The following CSRNP3 variants were observed in gnomAD, a reference collection of about 807,000 sequenced individuals.
The protein encoded by CSRNP3 is cysteine/serine-rich nuclear protein 3.
A neutral mutation model predicts 48.0 loss-of-function variants in CSRNP3; 12 were observed. That is an observed-to-expected ratio of 0.25 (90% CI 0.16 to 0.41). The LOEUF (loss-of-function observed/expected upper bound fraction) is 0.41. CSRNP3 is among the 10% of genes least tolerant of loss of function. The probability of loss-of-function intolerance (pLI) is 1.00; values close to 1 mark genes in which losing one functional copy is unlikely to be tolerated. For missense variants in CSRNP3, 580 were observed against 724.4 expected (o/e 0.80, Z 2.29); for synonymous variants, 263 against 269.7 (o/e 0.98, Z 0.24).
At chr2:165,575,371 A>G (rs907301640) in intron 3 of CSRNP3, among the ~76,000 whole-genome samples, 2 of 152,198 alleles carry the variant, frequency 1.3e-5, no homozygotes, top group Admixed American at 6.5e-5. Context: ...AGCAGTTACA[A>G]TGTTGATTAA....
At chr2:165,616,349 C>A (rs1024576722) in intron 4 of CSRNP3, among the ~76,000 whole-genome samples, 1 of 152,008 alleles carries the variant, frequency 6.6e-6, no homozygotes, top group African/African-American at 2.4e-5. Context: ...ATTTGTGTAT[C>A]TGCTGTACCA....
intron 3 of CSRNP3, among the ~76,000 whole-genome samples, chr2:165,523,834 T>C (rs1684695223): frequency 1.3e-5 from 2 of 152,206 alleles, no homozygotes; most frequent in African/African-American, 4.8e-5. Flanking sequence ...CTTGATATTT[T>C]ACTCCTATTC....
In CSRNP3 at chr2:165,686,406, T is replaced by C. The variant is rs1687631716; in HGVS notation, c.*6653T>C. 6.6e-6 allele frequency: 1 copy of C among 152,084 alleles called. No homozygotes were observed. The highest frequency in any genetic ancestry group is 2.4e-5 in the African/African-American group (1 of 41,438). The allele number at this position is 152,084 out of a possible 1,614,324, so 9.4% of individuals were successfully genotyped here. On this transcript the variant is annotated 3_prime_UTR_variant, in exon 7 of 7. Coordinates refer to ENST00000651982, the MANE Select transcript of CSRNP3 (RefSeq NM_001172173.2). ...AATTTTGTTTTGCTCCTCCTTTTCA[T>C]GTGGTCACCAAGCTTTTTTCCTTAG...
At chr2:165,584,821 G>T (rs185349620) in intron 3 of CSRNP3, among the ~76,000 whole-genome samples, 1 of 152,198 alleles carries the variant, frequency 6.6e-6, no homozygotes, top group East Asian at 1.9e-4. Context: ...GCTTCCATGG[G>T]CCATATTAGA....
chr2:165,622,614 T>A (rs182503397), intron 4 of CSRNP3, among the ~76,000 whole-genome samples: 2 of 152,330 alleles, frequency 1.3e-5, no homozygotes, highest in Admixed American at 6.5e-5. Context: ...ACTGTTTCTA[T>A]CTTGTGTTTG....
chr2:165,619,693 T>C (rs1000768648), intron 4 of CSRNP3, among the ~76,000 whole-genome samples: 4 of 152,180 alleles, frequency 2.6e-5, no homozygotes, highest in African/African-American at 4.8e-5. Context: ...ACAAATATCC[T>C]AATATAAGGA....
rs1558968147 is a variant in CSRNP3 at position 165,666,970 on chromosome 2, G to GAAA, written c.408+8950_408+8951insAAA. Among the ~76,000 whole-genome samples, 13 of 19,902 alleles carry GAAA rather than the reference G, an allele frequency of 6.5e-4. 3 individuals are homozygous for GAAA. The highest frequency in any genetic ancestry group is 1.8e-3 in the East Asian group (1 of 556). The allele number at this position is 19,902 out of a possible 152,430, so 13.1% of individuals were successfully genotyped here. Reference sequence around the variant, plus strand: ...AGAGAGAGAGGAAGGAAGGAAGGAAGGAAAGAGAGAGAGGAAGAAAGAAAG... The same window carrying GAAA: ...AGAGAGAGAGGAAGGAAGGAAGGAAGAAAGAAAGAGAGAGAGGAAGAAAGAAAG... On this transcript the variant is annotated intron_variant, in intron 5 of 6. Transcript: ENST00000651982.
At chr2:165,563,303 C>T (rs745459024) in intron 3 of CSRNP3, among the ~76,000 whole-genome samples, 5 of 152,130 alleles carry the variant, frequency 3.3e-5, no homozygotes, top group Admixed American at 2.0e-4. Flanking sequence ...GCACCTGTAA[C>T]GATAACTGAG....
At chr2:165,624,828 A>G (rs1010029670) in intron 4 of CSRNP3, among the ~76,000 whole-genome samples, 1 of 152,048 alleles carries the variant, frequency 6.6e-6, no homozygotes, top group Non-Finnish European at 1.5e-5. Flanking sequence ...CACACATTGT[A>G]TTGTTCATCT....
chr2:165,557,094 A>G lies in CSRNP3; in HGVS notation c.-23-37949A>G, dbSNP rs372194298. 7.0e-4 allele frequency among the ~76,000 whole-genome samples: 106 copies of G among 152,324 alleles called. No individual in the cohort carries two copies. The South Asian group carries it at 0.014, about 21-fold the overall frequency. On this transcript the variant is annotated intron_variant, in intron 3 of 6. Transcript: ENST00000651982. ...CAGCAAACTATGGCCTGTTGTACAA[A>G]TCTGCCTCACTACCCATTTGTATAT...
chr2:165,472,390 A>G (rs571440712), intron 1 of CSRNP3, among the ~76,000 whole-genome samples: 2 of 152,164 alleles, frequency 1.3e-5, no homozygotes, highest in East Asian at 3.9e-4. Context: ...TTAAAATTTA[A>G]TATAAATCAC....
At chr2:165,646,688 C>T (rs935540296) in intron 4 of CSRNP3, among the ~76,000 whole-genome samples, 4 of 152,112 alleles carry the variant, frequency 2.6e-5, no homozygotes, top group Non-Finnish European at 4.4e-5. Context: ...TGCAACAGCG[C>T]GGGTATTCTG....
chr2:165,642,524 T>TA (rs1686739609), intron 4 of CSRNP3, among the ~76,000 whole-genome samples: 1 of 152,116 alleles, frequency 6.6e-6, no homozygotes, highest in Admixed American at 6.6e-5. Context: ...GTGGCATTGA[T>TA]AAAATTTCTG....
intron 5 of CSRNP3, among the ~76,000 whole-genome samples, chr2:165,665,774 A>AG (rs1491436408): frequency 1.8e-4 from 22 of 124,702 alleles, no homozygotes; most frequent in African/African-American, 4.1e-4. Context: ...GAAAAGAAAG[A>AG]AAGAGAGAGA....
chr2:165,478,366 A>G (rs1461505724), intron 1 of CSRNP3, among the ~76,000 whole-genome samples: 1 of 152,194 alleles, frequency 6.6e-6, no homozygotes, highest in African/African-American at 2.4e-5. Context: ...AATATATTCA[A>G]TTTTTAAAAA....
At chr2:165,634,772 A>G (rs539449406) in intron 4 of CSRNP3, among the ~76,000 whole-genome samples, 4 of 152,222 alleles carry the variant, frequency 2.6e-5, no homozygotes, top group Non-Finnish European at 5.9e-5. Context: ...TGGAGGTGAC[A>G]ACAATTACAC....
chr2:165,617,129 T>G (rs1686258721), intron 4 of CSRNP3, among the ~76,000 whole-genome samples: 1 of 152,180 alleles, frequency 6.6e-6, no homozygotes, highest in South Asian at 2.1e-4. Context: ...GACCATTATT[T>G]TGAATTACTT....
Position 165,592,802 on chromosome 2 carries a change from AT to A in CSRNP3, c.-23-2224del, listed in dbSNP as rs34523205. Among the ~76,000 whole-genome samples, 1,254 of 139,812 alleles carry A rather than the reference AT, an allele frequency of 9.0e-3. 16 individuals carry two copies. Among genetic ancestry groups the A allele is most frequent in the African/African-American group, 0.029 (1,096 of 37,346 alleles). The allele number at this position is 139,812 out of a possible 152,430, so 91.7% of individuals were successfully genotyped here. The stretch of plus-strand genomic sequence containing the variant: ...CTGTGAGTCAATTAAACCTCTTTTC[AT>A]TTTTTTTTTTTTTTTTGAGACGGAG... On this transcript the variant is annotated intron_variant, in intron 3 of 6. Coordinates refer to ENST00000651982, the MANE Select transcript of CSRNP3 (RefSeq NM_001172173.2).
intron 4 of CSRNP3, among the ~76,000 whole-genome samples, chr2:165,598,788 C>T (rs1685851959): frequency 6.6e-6 from 1 of 152,024 alleles, no homozygotes; most frequent in African/African-American, 2.4e-5. Context: ...ATTTTTCTTG[C>T]TTTTTAAAAA....
Sources: allele counts gnomAD v4.1 joint callset (sites outside exome capture counted in the v4.1 genomes callset), GRCh38; gene constraint gnomAD v4.1.1; transcripts MANE v1.5; gene names NCBI Gene and HGNC (gene_info 2026-07-23, HGNC 2026-07-21).